The following FPR3 variants were observed in gnomAD, a reference collection of about 807,000 sequenced individuals.
FPR3 encodes N-formyl peptide receptor 3.
For missense variants in FPR3, 346 were observed against 443.2 expected, an observed-to-expected ratio of 0.78 and a Z score of 1.97; for synonymous variants, 135 against 163.6, an observed-to-expected ratio of 0.83 and a Z score of 1.34.
At chr19:51,813,620 T>C (rs1271470616) in intron 1 of FPR3, among the ~76,000 whole-genome samples, 1 of 151,840 alleles carries the variant, frequency 6.6e-6, no homozygotes, top group Non-Finnish European at 1.5e-5. Flanking sequence ...AAGCTCCACC[T>C]CCCGGGTTCA....
chr19:51,815,917 A>G (rs992111300), intron 1 of FPR3, among the ~76,000 whole-genome samples: 1 of 151,910 alleles, frequency 6.6e-6, no homozygotes, highest in African/African-American at 2.4e-5. Context: ...AAGAAAAGAA[A>G]TTAGCCAGGC....
intron 1 of FPR3, chr19:51,817,582 T>C (rs1005289535): frequency 6.6e-6 from 1 of 152,130 alleles, no homozygotes; most frequent in Non-Finnish European, 1.5e-5. Flanking sequence ...GAAATGACCA[T>C]TCAGCTTTTT....
chr19:51,813,283 T>C (rs559338905), intron 1 of FPR3, among the ~76,000 whole-genome samples: 2 of 152,222 alleles, frequency 1.3e-5, no homozygotes, highest in South Asian at 4.1e-4. Context: ...CCTCACATGG[T>C]AAAAGGGAAA....
intron 1 of FPR3, among the ~76,000 whole-genome samples, chr19:51,821,942 T>A (rs1216412580): frequency 6.6e-6 from 1 of 152,208 alleles, no homozygotes; most frequent in Non-Finnish European, 1.5e-5. Context: ...AGGAAGAGTC[T>A]CTAATTTTCC....
At chr19:51,796,657 G>A (rs1409976279) in intron 1 of FPR3, among the ~76,000 whole-genome samples, 5 of 152,196 alleles carry the variant, frequency 3.3e-5, no homozygotes, top group Admixed American at 1.3e-4. Context: ...CGTGGATGGC[G>A]TTGGGTGGTG....
At chr19:51,815,447 C>A (rs966341323) in intron 1 of FPR3, among the ~76,000 whole-genome samples, 1 of 152,024 alleles carries the variant, frequency 6.6e-6, no homozygotes, top group Non-Finnish European at 1.5e-5. Flanking sequence ...GTAGCCCCAG[C>A]TACTCAGGAG....
At chr19:51,802,877 ATTAT>A (rs2084033373) in intron 1 of FPR3, among the ~76,000 whole-genome samples, 1 of 152,190 alleles carries the variant, frequency 6.6e-6, no homozygotes, top group Non-Finnish European at 1.5e-5. Flanking sequence ...ATCGTTACAG[ATTAT>A]TTTATTGTAT....
chr19:51,820,940 A>G (rs2122486600), intron 1 of FPR3, among the ~76,000 whole-genome samples: 1 of 152,354 alleles, frequency 6.6e-6, no homozygotes, highest in South Asian at 2.1e-4. Flanking sequence ...GTTAGGGTTA[A>G]AGGAGAAGCT....
intron 1 of FPR3, among the ~76,000 whole-genome samples, chr19:51,801,226 T>C (rs74256605): frequency 0.11 from 16,928 of 152,072 alleles, 1,175 homozygotes; most frequent in East Asian, 0.25. Flanking sequence ...AGATTATTTA[T>C]TAATTTATGA....
At chr19:51,805,300 C>T (rs1398908882) in intron 1 of FPR3, 1 of 152,218 alleles carries the variant, frequency 6.6e-6, no homozygotes, top group Non-Finnish European at 1.5e-5. Context: ...CCAAGAACTA[C>T]ATATAAGATG....
rs568771001 is a variant in FPR3 at position 51,815,098 on chromosome 19, C to T, written c.-10-8641C>T. The stretch of plus-strand genomic sequence containing the variant: ...TTGCTGGGATTGCAGGCGCGAGCCA[C>T]CTTTTATCACATCTCATTTTATGTT... On this transcript the variant is annotated intron_variant, in intron 1 of 1. Coordinates refer to ENST00000339223, the MANE Select transcript of FPR3 (RefSeq NM_002030.5). 2.0e-5 allele frequency among the ~76,000 whole-genome samples: 3 copies of T among 152,272 alleles called. No individual in the cohort carries two copies. In the East Asian group the frequency reaches 5.8e-4, roughly 30 times the overall value.
At chr19:51,806,715 T>A (rs902918333) in intron 1 of FPR3, among the ~76,000 whole-genome samples, 1 of 152,224 alleles carries the variant, frequency 6.6e-6, no homozygotes, top group African/African-American at 2.4e-5. Context: ...GGTATTCCCA[T>A]ATGAGCAAAT....
At chr19:51,817,731 T>A (rs1010744547) in intron 1 of FPR3, 1 of 152,194 alleles carries the variant, frequency 6.6e-6, no homozygotes, top group African/African-American at 2.4e-5. Context: ...CAATAAAAAC[T>A]TTACACTAAA....
intron 1 of FPR3, among the ~76,000 whole-genome samples, chr19:51,798,540 C>A (rs1258829502): frequency 6.6e-6 from 1 of 151,958 alleles, no homozygotes; most frequent in Admixed American, 6.6e-5. Context: ...AGGGCAGGAC[C>A]CTATCCTGGT....
Position 51,795,504 on chromosome 19 carries a change from C to CTTTTTTTTTTTTTTTTTTTT in FPR3, c.-11+183_-11+202dup, listed in dbSNP as rs58620565. ...TTTGGTTACATGTTCCAGTAACATT[C>CTTTTTTTTTTTTTTTTTTTT]TTTTTTTTTTTTTTTTTTTTTTTTT... On this transcript the variant is annotated intron_variant, in intron 1 of 1. Transcript: ENST00000339223. Among the ~76,000 whole-genome samples, 19 of 74,738 alleles carry CTTTTTTTTTTTTTTTTTTTT rather than the reference C, an allele frequency of 2.5e-4. 4 individuals are homozygous for CTTTTTTTTTTTTTTTTTTTT. Among genetic ancestry groups the CTTTTTTTTTTTTTTTTTTTT allele is most frequent in the African/African-American group, 5.6e-4 (9 of 16,076 alleles). The allele number at this position is 74,738 out of a possible 152,430, so 49.0% of individuals were successfully genotyped here. A position where few individuals can be genotyped will look rare whatever the true frequency, so the allele number is the denominator to read the frequency against.
At chr19:51,819,445 G>A (rs566425232) in intron 1 of FPR3, among the ~76,000 whole-genome samples, 48 of 152,318 alleles carry the variant, frequency 3.2e-4, no homozygotes, top group Admixed American at 9.2e-4. Flanking sequence ...CAATTGAGCT[G>A]TAAAGACAAC....
At chr19:51,796,464 T>C (rs2083999705) in intron 1 of FPR3, among the ~76,000 whole-genome samples, 1 of 152,218 alleles carries the variant, frequency 6.6e-6, no homozygotes, top group Admixed American at 6.5e-5. Flanking sequence ...TGGACCTTTT[T>C]AAAGCTCATT....
intron 1 of FPR3, among the ~76,000 whole-genome samples, chr19:51,811,915 C>T (rs1354848180): frequency 1.3e-5 from 2 of 152,122 alleles, no homozygotes; most frequent in Non-Finnish European, 2.9e-5. Flanking sequence ...TTGGTCATAT[C>T]CCATGGGGTC....
chr19:51,820,449 A>G (rs1488394906), intron 1 of FPR3, among the ~76,000 whole-genome samples: 2 of 152,228 alleles, frequency 1.3e-5, no homozygotes, highest in Non-Finnish European at 2.9e-5. Flanking sequence ...AGCAGCCCTC[A>G]TAATCAGTAC....
Sources: allele counts gnomAD v4.1 joint callset (sites outside exome capture counted in the v4.1 genomes callset), GRCh38; gene constraint gnomAD v4.1.1; transcripts MANE v1.5; gene names NCBI Gene and HGNC (gene_info 2026-07-23, HGNC 2026-07-21).